The following TMEM132D variants were observed in gnomAD, a reference collection of about 807,000 sequenced individuals.
The protein encoded by TMEM132D is transmembrane protein 132D, also known as mature OL transmembrane protein.
A neutral mutation model predicts 62.3 loss-of-function variants in TMEM132D; 21 were observed. The ratio of observed to expected loss-of-function variants is 0.34; its 90% confidence interval spans 0.24 to 0.49. The LOEUF is 0.49. Among genes scored for constraint, TMEM132D ranks in the 20% least tolerant of loss-of-function variants. The pLI is 0.99. For missense variants in TMEM132D, 1,346 were observed against 1,402.8 expected (o/e 0.96, Z 0.65); for synonymous variants, 621 against 575.6 (o/e 1.08, Z -1.13).
At chr12:129,601,617 T>C (rs979048959) in intron 2 of TMEM132D, among the ~76,000 whole-genome samples, 2 of 152,156 alleles carry the variant, frequency 1.3e-5, no homozygotes, top group Admixed American at 6.5e-5. Flanking sequence ...GTAGGGTAAT[T>C]AACTGGCTTC....
chr12:129,884,731 C>T (rs1311058646), intron 1 of TMEM132D, among the ~76,000 whole-genome samples: 1 of 152,234 alleles, frequency 6.6e-6, no homozygotes, highest in Non-Finnish European at 1.5e-5. Context: ...GTTAAACACA[C>T]ACATCTCATG....
At chr12:129,594,442 C>T (rs1208419170) in intron 2 of TMEM132D, among the ~76,000 whole-genome samples, 1 of 152,114 alleles carries the variant, frequency 6.6e-6, no homozygotes, top group African/African-American at 2.4e-5. Flanking sequence ...CAGTCATGCA[C>T]AGTAAGTTGC....
chr12:129,475,645 A>G (rs936392068), intron 3 of TMEM132D, among the ~76,000 whole-genome samples: 1 of 152,236 alleles, frequency 6.6e-6, no homozygotes, highest in African/African-American at 2.4e-5. Flanking sequence ...ACCTGCTTAC[A>G]TAATTCAAAA....
chr12:129,505,229 A>G (rs1593041652), intron 3 of TMEM132D, among the ~76,000 whole-genome samples: 2 of 144,786 alleles, frequency 1.4e-5, no homozygotes, highest in Admixed American at 1.4e-4. Context: ...TGTTAAGTCC[A>G]TTTGTTCCAG....
At position 129,540,489 on chromosome 12, in the gene TMEM132D, T is replaced by TA. The variant is rs1441958546; in HGVS notation, c.969-9285_969-9284insT. On this transcript the variant is annotated intron_variant, in intron 2 of 8. Coordinates refer to ENST00000422113, the MANE Select transcript of TMEM132D (RefSeq NM_133448.3). ...ATTCACTGATTCATTCAACAAACTT[T>TA]TTTTTTTTTTAATTGAGACAGAGTC... is the stretch of plus-strand genomic sequence containing the variant. Among the ~76,000 whole-genome samples the TA allele has an allele frequency of 1.9e-4, 29 of 151,972 alleles. No homozygotes were observed. The East Asian group carries it at 5.6e-3, about 29-fold the overall frequency.
chr12:129,751,986 G>A (rs886163357), intron 1 of TMEM132D, among the ~76,000 whole-genome samples: 5 of 152,102 alleles, frequency 3.3e-5, no homozygotes, highest in Non-Finnish European at 5.9e-5. Flanking sequence ...CTTGTATAAT[G>A]TGTCATCAAA....
intron 4 of TMEM132D, among the ~76,000 whole-genome samples, chr12:129,279,809 G>C (rs1881093341): frequency 6.6e-6 from 1 of 152,200 alleles, no homozygotes; most frequent in African/African-American, 2.4e-5. Flanking sequence ...CATGTTTTAC[G>C]CAGCCACGTG....
chr12:129,720,340 C>T (rs1031335477), intron 1 of TMEM132D, among the ~76,000 whole-genome samples: 9 of 152,192 alleles, frequency 5.9e-5, no homozygotes, highest in Non-Finnish European at 1.2e-4. Flanking sequence ...TGACTGATTC[C>T]TAAATATTCA....
intron 3 of TMEM132D, among the ~76,000 whole-genome samples, chr12:129,512,539 G>A (rs1875525685): frequency 6.6e-6 from 1 of 152,180 alleles, no homozygotes. Flanking sequence ...TAACAAAACA[G>A]CATAAATATT....
intron 5 of TMEM132D, among the ~76,000 whole-genome samples, chr12:129,208,394 G>T (rs547441560): frequency 6.6e-6 from 1 of 152,308 alleles, no homozygotes; most frequent in African/African-American, 2.4e-5. Flanking sequence ...GCTGTATGAT[G>T]TCATGTGTTC....
chr12:129,814,236 T>C (rs1872276634), intron 1 of TMEM132D, among the ~76,000 whole-genome samples: 2 of 152,110 alleles, frequency 1.3e-5, no homozygotes, highest in Non-Finnish European at 2.9e-5. Flanking sequence ...GAAAAAAGAA[T>C]GAAACTGGTA....
intron 3 of TMEM132D, among the ~76,000 whole-genome samples, chr12:129,448,012 G>A (rs1212011915): frequency 6.6e-6 from 1 of 152,088 alleles, no homozygotes; most frequent in East Asian, 1.9e-4. Flanking sequence ...ATCGTCTGTG[G>A]CGTTTTCAGC....
rs1325003861 is a variant in TMEM132D at position 129,787,878 on chromosome 12, G to A, written c.80-87180C>T. On this transcript the variant is annotated intron_variant, in intron 1 of 8. Coordinates refer to ENST00000422113, the MANE Select transcript of TMEM132D (RefSeq NM_133448.3). Reference sequence around the variant, plus strand: ...GCTGGATCCTGCAGGGAAGGAGGCTGCTGCAGGACAGAGGAGGGGCCCGTT... The same window carrying A: ...GCTGGATCCTGCAGGGAAGGAGGCTACTGCAGGACAGAGGAGGGGCCCGTT... Among the ~76,000 whole-genome samples the A allele has an allele frequency of 5.3e-5, 8 of 152,336 alleles. No homozygotes were observed. In the East Asian group the frequency reaches 1.4e-3, roughly 26 times the overall value.
chr12:129,182,541 G>A (rs1157567748), intron 5 of TMEM132D, among the ~76,000 whole-genome samples: 1 of 152,208 alleles, frequency 6.6e-6, no homozygotes, highest in Non-Finnish European at 1.5e-5. Context: ...AAGGGAGCGT[G>A]CTGGCAAAGT....
rs557263324 is a variant in TMEM132D, at chr12:129,077,670, CAT to C, written c.2115+862_2115+863del. Among the ~76,000 whole-genome samples, 106 of 151,902 alleles carry C rather than the reference CAT, an allele frequency of 7.0e-4. 1 individual carries two copies. The Middle Eastern group carries it at 0.01, about 15-fold the overall frequency. ...CATACGGACACACATAAAGCAAAAA[CAT>C]ATATGACACAGACCCACAACACACA... is the stretch of plus-strand genomic sequence containing the variant. On this transcript the variant is annotated intron_variant, in intron 8 of 8. Coordinates refer to ENST00000422113, the MANE Select transcript of TMEM132D (RefSeq NM_133448.3).
At chr12:129,702,800 T>C (rs781678970) in intron 1 of TMEM132D, among the ~76,000 whole-genome samples, 5 of 152,244 alleles carry the variant, frequency 3.3e-5, no homozygotes, top group African/African-American at 7.2e-5. Context: ...AAATATTTGA[T>C]AAACACGTGA....
intron 4 of TMEM132D, among the ~76,000 whole-genome samples, chr12:129,301,081 C>T (rs1047531754): frequency 2.0e-5 from 3 of 152,150 alleles, no homozygotes; most frequent in Admixed American, 6.5e-5. Context: ...AACACTTACA[C>T]GTTCCAAGGG....
At chr12:129,575,260 T>C (rs1482848431) in intron 2 of TMEM132D, among the ~76,000 whole-genome samples, 1 of 151,836 alleles carries the variant, frequency 6.6e-6, no homozygotes, top group East Asian at 1.9e-4. Context: ...CTGGTGAGGC[T>C]ACCCATCAAC....
In TMEM132D at chr12:129,073,859, T is replaced by C; in HGVS notation, c.*16A>G. 6.6e-7 allele frequency: 1 copy of C among 1,518,392 alleles called. No homozygotes were observed. The allele number at this position is 1,518,392 out of a possible 1,614,324, so 94.1% of individuals were successfully genotyped here. Reference sequence around the variant, plus strand: ...GCTGAAAGGTGAGTGAGAACCAATGTCTGTGTGTGTCTGGCTTACACATTT... The same window carrying C: ...GCTGAAAGGTGAGTGAGAACCAATGCCTGTGTGTGTCTGGCTTACACATTT... On this transcript the variant is annotated 3_prime_UTR_variant, in exon 9 of 9. Coordinates refer to ENST00000422113, the MANE Select transcript of TMEM132D (RefSeq NM_133448.3).
Sources: allele counts gnomAD v4.1 joint callset (sites outside exome capture counted in the v4.1 genomes callset), GRCh38; gene constraint gnomAD v4.1.1; transcripts MANE v1.5; gene names NCBI Gene and HGNC (gene_info 2026-07-23, HGNC 2026-07-21).